VPS8: variants seen among roughly 807,000 people sequenced by gnomAD.
VPS8 encodes the protein VPS8 subunit of CORVET complex.
A neutral mutation model predicts 216.4 loss-of-function variants in VPS8; 129 were observed. That is an observed-to-expected ratio of 0.60 (90% CI 0.52 to 0.69). VPS8 has a LOEUF of 0.69. Ranked by LOEUF, VPS8 falls within the 30% of genes least tolerant of loss-of-function variation. VPS8 has a pLI of 0.00. For missense variants in VPS8, 1,531 were observed against 1,683.5 expected (o/e 0.91, Z 1.59); for synonymous variants, 571 against 565.4 (o/e 1.01, Z -0.14).
At chr3:184,947,577 T>C in intron 36 of VPS8, among the ~76,000 whole-genome samples, 1 of 151,534 alleles carries the variant, frequency 6.6e-6, no homozygotes, top group East Asian at 1.9e-4. Flanking sequence ...CAAAATCAAC[T>C]CTATGATATA....
intron 9 of VPS8, 29 bp from the exon 10 acceptor site, chr3:184,849,907 T>C (rs1723930274): frequency 3.2e-6 from 5 of 1,571,062 alleles, no homozygotes; most frequent in Non-Finnish European, 4.4e-6. Context: ...GCAATAAATT[T>C]GTTTTTGAAG....
intron 46 of VPS8, among the ~76,000 whole-genome samples, chr3:185,047,233 C>T (rs1467343399): frequency 1.3e-5 from 2 of 152,340 alleles, no homozygotes; most frequent in East Asian, 3.9e-4. Flanking sequence ...TTCCTGTGCT[C>T]TCTAGTTAGT....
intron 45 of VPS8, among the ~76,000 whole-genome samples, chr3:185,014,011 T>A (rs117713712): frequency 6.6e-6 from 1 of 152,212 alleles, no homozygotes; most frequent in East Asian, 1.9e-4. Context: ...CTCTCACTTA[T>A]AGGAATAGCT....
intron 25 of VPS8, among the ~76,000 whole-genome samples, chr3:184,912,608 T>C (rs1409522117): frequency 6.6e-6 from 1 of 152,178 alleles, no homozygotes; most frequent in Non-Finnish European, 1.5e-5. Context: ...AACATTAAGT[T>C]GTTATGCCAT....
intron 15 of VPS8, among the ~76,000 whole-genome samples, chr3:184,861,953 C>G (rs989647238): frequency 6.6e-6 from 1 of 152,178 alleles, no homozygotes; most frequent in Non-Finnish European, 1.5e-5. Context: ...GCATATCAAA[C>G]TCCCTGTTTT....
At chr3:184,897,718 A>G (rs1733770227) in intron 23 of VPS8, among the ~76,000 whole-genome samples, 1 of 151,076 alleles carries the variant, frequency 6.6e-6, no homozygotes, top group Admixed American at 6.6e-5. Flanking sequence ...CTTACCTCTC[A>G]CTCCCTCTTG....
chr3:184,958,749 A>T (rs141751976), intron 37 of VPS8, among the ~76,000 whole-genome samples: 97 of 152,362 alleles, frequency 6.4e-4, no homozygotes, highest in African/African-American at 1.9e-3. Flanking sequence ...CTAAAAATTC[A>T]GATTTAGTCA....
chr3:184,888,858 G>A (rs1731796077), intron 22 of VPS8, among the ~76,000 whole-genome samples: 1 of 152,124 alleles, frequency 6.6e-6, no homozygotes, highest in East Asian at 1.9e-4. Flanking sequence ...AATACCTGAT[G>A]GTTGAACTGA....
At chr3:184,899,384 CA>C (rs1383462556) in intron 24 of VPS8, among the ~76,000 whole-genome samples, 1 of 152,180 alleles carries the variant, frequency 6.6e-6, no homozygotes, top group African/African-American at 2.4e-5. Context: ...TATTGCTATC[CA>C]AAACTATCTT....
Position 185,052,322 on chromosome 3 carries a change from G to A in VPS8, c.*297G>A, listed in dbSNP as rs993584697. ...TTAGGAAATACATTTCGCCTATTGCGACTTTTTCCATTTACCCTGAAGCCT... is the reference window on the plus strand; with the variant it reads ...TTAGGAAATACATTTCGCCTATTGCAACTTTTTCCATTTACCCTGAAGCCT... On this transcript the variant is annotated 3_prime_UTR_variant, in exon 48 of 48. Coordinates refer to ENST00000625842, the MANE Select transcript of VPS8 (RefSeq NM_001009921.3). 11 of 252,874 alleles carry A rather than the reference G, an allele frequency of 4.3e-5. No homozygotes were observed. Among genetic ancestry groups the A allele is most frequent in the South Asian group, 1.8e-4 (2 of 11,272 alleles). The allele number at this position is 252,874 out of a possible 1,614,324, so 15.7% of individuals were successfully genotyped here.
intron 41 of VPS8, 21 bp downstream of exon 41, chr3:184,982,668 G>C: frequency 6.3e-7 from 1 of 1,578,858 alleles, no homozygotes; most frequent in South Asian, 1.1e-5. Flanking sequence ...CAGAATTCAA[G>C]TGACTGAGTC....
chr3:184,851,003 A>G (rs1448536770), intron 10 of VPS8, among the ~76,000 whole-genome samples: 4 of 151,594 alleles, frequency 2.6e-5, no homozygotes, highest in Admixed American at 2.0e-4. Flanking sequence ...CTAATATGTT[A>G]TAGTTGTTTG....
At chr3:184,962,761 G>GTGTGTGTGTGTGTGTGTGTT (rs1324151343) in intron 37 of VPS8, among the ~76,000 whole-genome samples, 7 of 93,136 alleles carry the variant, frequency 7.5e-5, no homozygotes, top group African/African-American at 1.9e-4. Context: ...GTGTGTGTGT[G>GTGTGTGTGTGTGTGTGTGTT]TGTGTCTTAT....
chr3:184,873,116 C>T (rs1425002573), intron 21 of VPS8, among the ~76,000 whole-genome samples: 1 of 152,058 alleles, frequency 6.6e-6, no homozygotes, highest in Non-Finnish European at 1.5e-5. Flanking sequence ...AAGTATGTGA[C>T]ATGTATTTTT....
intron 46 of VPS8, among the ~76,000 whole-genome samples, chr3:185,034,060 T>C (rs543274968): frequency 6.6e-6 from 1 of 152,320 alleles, no homozygotes; most frequent in East Asian, 1.9e-4. Context: ...CACCCTCTAG[T>C]ATTCCACAGT....
At chr3:184,868,154 C>T (rs770853243) in intron 18 of VPS8, 95 bp downstream of exon 18, 4 of 1,342,068 alleles carry the variant, frequency 3.0e-6, no homozygotes, top group Non-Finnish European at 4.2e-6. Context: ...ATTTGGTAAG[C>T]TTCTTAATTT....
At chr3:184,848,562 TTC>T (rs1487809534) in intron 8 of VPS8, among the ~76,000 whole-genome samples, 9 of 139,074 alleles carry the variant, frequency 6.5e-5, no homozygotes, top group African/African-American at 1.8e-4. Flanking sequence ...TTTTCCTGTA[TTC>T]TTTTTTTTTT....
intron 2 of VPS8, among the ~76,000 whole-genome samples, chr3:184,825,639 C>T (rs933952291): frequency 6.6e-6 from 1 of 152,178 alleles, no homozygotes; most frequent in East Asian, 1.9e-4. Flanking sequence ...TGGTGGCTCA[C>T]GCCTGTGATT....
chr3:184,945,710 A>T (rs1743560055), intron 36 of VPS8, among the ~76,000 whole-genome samples: 1 of 152,130 alleles, frequency 6.6e-6, no homozygotes, highest in Non-Finnish European at 1.5e-5. Flanking sequence ...TTCCTGCTAC[A>T]CGGAAAAACC....
Sources: allele counts gnomAD v4.1 joint callset (sites outside exome capture counted in the v4.1 genomes callset), GRCh38; gene constraint gnomAD v4.1.1; transcripts MANE v1.5; gene names NCBI Gene and HGNC (gene_info 2026-07-23, HGNC 2026-07-21).